The following AR variants were observed in gnomAD, a reference collection of about 807,000 sequenced individuals.
AR encodes the protein dihydrotestosterone receptor.
In AR, 8 loss-of-function variants were observed where a neutral mutation model predicts 53.9. The observed-to-expected ratio is 0.15, with a 90% confidence interval of 0.09 to 0.27. AR has a LOEUF of 0.27. Ranked by LOEUF, AR falls within the 10% of genes least tolerant of loss-of-function variation. The pLI, the probability that AR is intolerant of heterozygous loss-of-function variation, is 1.00. For synonymous variants in AR, 359 were observed against 316.4 expected, an observed-to-expected ratio of 1.13 and a Z score of -1.43; for missense variants, 639 against 742.5, an observed-to-expected ratio of 0.86 and a Z score of 1.62.
At chrX:67,578,598 T>TG (rs1325999313) in intron 1 of AR, among the ~76,000 whole-genome samples, 2 of 111,873 alleles carry the variant, frequency 1.8e-5, no homozygotes, top group Admixed American at 1.9e-4. Context: ...TTTGTTTCTC[T>TG]GAGTCTTTAT....
rs766770630 is a variant in AR at position 67,611,957 on chromosome X, A to AT, written c.1617-31289dup. On this transcript the variant is annotated intron_variant, in intron 1 of 7. Transcript: ENST00000374690. ...AATACATACTTAAGCAACTCAGAGA[A>AT]TTTTTTTTTTATTTTTCAGATTAAT... is the stretch of plus-strand genomic sequence containing the variant. 7.2e-3 allele frequency among the ~76,000 whole-genome samples: 792 copies of AT among 109,458 alleles called. 2 individuals carry two copies. Among genetic ancestry groups the AT allele is most frequent in the Middle Eastern group, 0.019 (4 of 210 alleles).
intron 1 of AR, among the ~76,000 whole-genome samples, chrX:67,595,648 A>G (rs1923041947): frequency 1.2e-4 from 2 of 16,322 alleles, no homozygotes; most frequent in South Asian, 0.024. Context: ...TTCCAAAAAT[A>G]TACAAAAAAA....
At chrX:67,658,047 A>T (rs1036801627) in intron 2 of AR, among the ~76,000 whole-genome samples, 7 of 111,840 alleles carry the variant, frequency 6.3e-5, no homozygotes, top group Admixed American at 9.5e-5. Flanking sequence ...CAGTGTCTGA[A>T]ACTCCCATCA....
At chrX:67,630,064 G>T (rs867869809) in intron 1 of AR, among the ~76,000 whole-genome samples, 2 of 110,562 alleles carry the variant, frequency 1.8e-5, no homozygotes, top group Non-Finnish European at 3.8e-5. Context: ...CCAACTATGT[G>T]GTCAATTTTG....
intron 2 of AR, among the ~76,000 whole-genome samples, chrX:67,667,142 G>A (rs748778884): frequency 2.3e-4 from 26 of 111,727 alleles, no homozygotes; most frequent in African/African-American, 7.8e-4. Flanking sequence ...CCAGATTAAT[G>A]TTCTGGAGAG....
Position 67,727,548 on chromosome X carries a change from G to A in AR, c.*3707G>A. On this transcript the variant is annotated 3_prime_UTR_variant, in exon 8 of 8. Coordinates refer to ENST00000374690, the MANE Select transcript of AR (RefSeq NM_000044.6). ...ATTGAGCTTCAAGTAGCTTCTAAGT[G>A]TTTGTTTCATTAGGCACAGCACAGA... is the stretch of plus-strand genomic sequence containing the variant. 1 of 173,851 alleles carries A rather than the reference G, an allele frequency of 5.8e-6. No individual in the cohort carries two copies. Among genetic ancestry groups the A allele is most frequent in the Non-Finnish European group, 1.1e-5 (1 of 90,355 alleles). 14.3% of individuals were successfully genotyped at this position (173,851 alleles called of 1,213,427 possible).
At position 67,627,220 on chromosome X, in the gene AR, G is replaced by T. The variant is rs1191890247; in HGVS notation, c.1617-16036G>T. On this transcript the variant is annotated intron_variant, in intron 1 of 7. Coordinates refer to ENST00000374690, the MANE Select transcript of AR (RefSeq NM_000044.6). The stretch of plus-strand genomic sequence containing the variant: ...GGAATCACCACACTGACTTCCACAA[G>T]GGTTGAACTAGTTTACAGTCCCACC... 6.7e-4 allele frequency among the ~76,000 whole-genome samples: 75 copies of T among 111,400 alleles called. 1 individual carries two copies. The highest frequency in any genetic ancestry group is 2.1e-3 in the African/African-American group (64 of 30,499).
At chrX:67,706,866 T>G (rs989035041) in intron 3 of AR, among the ~76,000 whole-genome samples, 4 of 112,234 alleles carry the variant, frequency 3.6e-5, no homozygotes, top group East Asian at 2.8e-4. Context: ...CTCATTGGTT[T>G]CAAGGAACAT....
chrX:67,662,388 T>G (rs1407228425), intron 2 of AR, among the ~76,000 whole-genome samples: 1 of 110,962 alleles, frequency 9.0e-6, no homozygotes, highest in African/African-American at 3.3e-5. Flanking sequence ...TCTGGTATGT[T>G]GTGTCTTTGT....
chrX:67,650,496 G>A (rs1021090698), intron 2 of AR, among the ~76,000 whole-genome samples: 1 of 112,200 alleles, frequency 8.9e-6, no homozygotes, highest in African/African-American at 3.2e-5. Flanking sequence ...TAGAAATTAT[G>A]TATTAATTCT....
chrX:67,546,481 G>A lies in AR; in HGVS notation c.1335G>A (p.Gln445=), dbSNP rs778145982. 6.1e-6 allele frequency: 7 copies of A among 1,151,592 alleles called. No individual in the cohort carries two copies. The highest frequency in any genetic ancestry group is 8.1e-6 in the Non-Finnish European group (7 of 860,903). The allele number at this position is 1,151,592 out of a possible 1,213,427, so 94.9% of individuals were successfully genotyped here. A position where few individuals can be genotyped will look rare whatever the true frequency, so the allele number is the denominator to read the frequency against. The change falls in exon 1 of 8, where the codon CAG becomes CAA. Residue 445 remains glutamine (Q), a synonymous_variant. Coordinates refer to ENST00000374690, the MANE Select transcript of AR (RefSeq NM_000044.6). ...WHTLFTAEEG[Q]LYGPCGGGGG... is the part of the protein sequence containing the mutation. Reference sequence around the variant, plus strand: ...CTCTCTTCACAGCCGAAGAAGGCCAGTTGTATGGACCGTGTGGTGGTGGTG... The same window carrying A: ...CTCTCTTCACAGCCGAAGAAGGCCAATTGTATGGACCGTGTGGTGGTGGTG...
At chrX:67,565,088 C>A (rs1054253110) in intron 1 of AR, among the ~76,000 whole-genome samples, 4 of 111,606 alleles carry the variant, frequency 3.6e-5, no homozygotes, top group African/African-American at 1.3e-4. Flanking sequence ...ACTGTCTTCC[C>A]ACAGTGGCAC....
chrX:67,686,808 C>T (rs931339578), intron 3 of AR, among the ~76,000 whole-genome samples: 15 of 111,087 alleles, frequency 1.4e-4, no homozygotes, highest in Admixed American at 3.8e-4. Context: ...CTTTCAAGGG[C>T]GTTCCTCTAT....
intron 1 of AR, among the ~76,000 whole-genome samples, chrX:67,616,937 C>T (rs946667059): frequency 9.0e-6 from 1 of 111,294 alleles, no homozygotes; most frequent in Non-Finnish European, 1.9e-5. Context: ...GTCTCATCCT[C>T]CTAAGGCCTC....
chrX:67,716,182 TAAG>T (rs1268665915), intron 4 of AR, among the ~76,000 whole-genome samples: 1 of 112,173 alleles, frequency 8.9e-6, no homozygotes, highest in Non-Finnish European at 1.9e-5. Context: ...TAAAGATAAA[TAAG>T]AAGATATGGT....
chrX:67,692,792 G>A (rs2076001713), intron 3 of AR, among the ~76,000 whole-genome samples: 1 of 112,056 alleles, frequency 8.9e-6, no homozygotes, highest in South Asian at 3.7e-4. Flanking sequence ...CACCACTGGG[G>A]TCTGTTCTCT....
At chrX:67,682,556 G>A (rs2075941816) in intron 2 of AR, among the ~76,000 whole-genome samples, 1 of 111,187 alleles carries the variant, frequency 9.0e-6, no homozygotes. Context: ...CTTCCAAAGT[G>A]CTGGGATTAC....
At chrX:67,690,030 A>G (rs943930228) in intron 3 of AR, among the ~76,000 whole-genome samples, 4 of 111,434 alleles carry the variant, frequency 3.6e-5, no homozygotes, top group African/African-American at 1.3e-4. Context: ...TTGAGTTCTC[A>G]GCATTTAGTA....
At chrX:67,562,225 A>G (rs1395641214) in intron 1 of AR, among the ~76,000 whole-genome samples, 1 of 109,844 alleles carries the variant, frequency 9.1e-6, no homozygotes, top group Non-Finnish European at 1.9e-5. Flanking sequence ...CGGCCTCCCA[A>G]ATTGTTGAGA....
Sources: allele counts gnomAD v4.1 joint callset (sites outside exome capture counted in the v4.1 genomes callset), GRCh38; gene constraint gnomAD v4.1.1; transcripts MANE v1.5; gene names NCBI Gene and HGNC (gene_info 2026-07-23, HGNC 2026-07-21).